Variants in DAB1 observed in about 807,000 individuals in gnomAD.
DAB1 encodes the protein DAB adaptor protein 1.
Under a neutral mutation model 64.6 loss-of-function variants are expected in DAB1, and 15 were observed. The observed-to-expected ratio is 0.23, with a 90% confidence interval of 0.16 to 0.36. The LOEUF (loss-of-function observed/expected upper bound fraction) is 0.36, where lower values mean the gene tolerates loss of function less well. Among genes scored for constraint, DAB1 ranks in the 10% least tolerant of loss-of-function variants. The probability of loss-of-function intolerance (pLI) is 1.00; values close to 1 mark genes in which losing one functional copy is unlikely to be tolerated. For synonymous variants in DAB1, 235 were observed against 251.9 expected, an observed-to-expected ratio of 0.93 and a Z score of 0.64; for missense variants, 596 against 706.7, an observed-to-expected ratio of 0.84 and a Z score of 1.78.
chr1:57,491,521 A>G (rs1171259154), intron 7 of DAB1, among the ~76,000 whole-genome samples: 2 of 152,268 alleles, frequency 1.3e-5, no homozygotes, highest in African/African-American at 4.8e-5. Flanking sequence ...AAAAAAATAT[A>G]ATAAACGTGC....
intron 5 of DAB1, among the ~76,000 whole-genome samples, chr1:58,003,915 C>T (rs1158404847): frequency 6.6e-6 from 1 of 152,200 alleles, no homozygotes; most frequent in African/African-American, 2.4e-5. Context: ...TCCTCAGCCA[C>T]CCCCAGCCGA....
At chr1:57,731,251 T>C (rs1372660603) in intron 6 of DAB1, among the ~76,000 whole-genome samples, 1 of 152,126 alleles carries the variant, frequency 6.6e-6, no homozygotes, top group Non-Finnish European at 1.5e-5. Flanking sequence ...TCCACTTACA[T>C]GAGGAAGTAG....
rs184422741 is a variant in DAB1 at position 58,113,229 on chromosome 1, G to A, written n.387+37282C>T. Among the ~76,000 whole-genome samples the A allele has an allele frequency of 3.6e-3, 553 of 152,240 alleles. 4 individuals carry two copies. The highest frequency in any genetic ancestry group is 0.013 in the African/African-American group (528 of 41,552). Reference sequence around the variant, plus strand: ...TGGAGAATGAGGAGGATTTTGCAAGGAGATGAGATGATGGGCAGGATTCTG... The same window carrying A: ...TGGAGAATGAGGAGGATTTTGCAAGAAGATGAGATGATGGGCAGGATTCTG... On this transcript the variant is annotated intron_variant and non_coding_transcript_variant, in intron 5 of 20. Coordinates refer to the DAB1 transcript ENST00000485760.
intron 1 of DAB1, among the ~76,000 whole-genome samples, chr1:57,336,978 T>C (rs1241278385): frequency 6.6e-6 from 1 of 152,136 alleles, no homozygotes; most frequent in African/African-American, 2.4e-5. Flanking sequence ...TCAGCTCCTC[T>C]AGGTAGTACT....
intron 4 of DAB1, among the ~76,000 whole-genome samples, chr1:58,171,042 G>C (rs1010951067): frequency 2.6e-5 from 4 of 152,192 alleles, no homozygotes; most frequent in Non-Finnish European, 5.9e-5. Context: ...CACCTCCTCG[G>C]TTGTAATTGG....
At chr1:57,347,302 A>C (rs1411260151) in intron 1 of DAB1, among the ~76,000 whole-genome samples, 1 of 152,202 alleles carries the variant, frequency 6.6e-6, no homozygotes. Context: ...AAGAATAATA[A>C]TACTTGCCCT....
intron 8 of DAB1, among the ~76,000 whole-genome samples, chr1:57,066,086 G>A (rs758693613): frequency 1.3e-5 from 2 of 152,154 alleles, no homozygotes; most frequent in Admixed American, 6.5e-5. Flanking sequence ...TCCAGGCTTT[G>A]TTGGGTAACA....
At chr1:57,619,155 A>G (rs1645825240) in intron 7 of DAB1, among the ~76,000 whole-genome samples, 1 of 152,192 alleles carries the variant, frequency 6.6e-6, no homozygotes, top group Admixed American at 6.5e-5. Flanking sequence ...AAGTGTTAAT[A>G]TCCTTTATGA....
intron 3 of DAB1, among the ~76,000 whole-genome samples, chr1:58,430,146 C>A (rs1049992646): frequency 6.6e-6 from 1 of 152,176 alleles, no homozygotes; most frequent in Non-Finnish European, 1.5e-5. Context: ...GGGCACAAAG[C>A]CAGTGCAAAT....
At chr1:57,985,447 T>C (rs1280785068) in intron 5 of DAB1, among the ~76,000 whole-genome samples, 1 of 152,092 alleles carries the variant, frequency 6.6e-6, no homozygotes, top group East Asian at 1.9e-4. Context: ...GTTATAGTAT[T>C]AGGAGGAGGT....
chr1:57,344,982 C>T (rs540881645), intron 1 of DAB1, among the ~76,000 whole-genome samples: 2 of 152,268 alleles, frequency 1.3e-5, no homozygotes, highest in South Asian at 4.1e-4. Flanking sequence ...TGTGCTACCC[C>T]GATAGGATAT....
chr1:57,122,843 A>C (rs1656784292), intron 4 of DAB1, among the ~76,000 whole-genome samples: 1 of 152,164 alleles, frequency 6.6e-6, no homozygotes, highest in Non-Finnish European at 1.5e-5. Context: ...TTATGAAAAA[A>C]ATAATGCACA....
intron 5 of DAB1, among the ~76,000 whole-genome samples, chr1:58,063,476 C>T (rs1648641604): frequency 6.6e-6 from 1 of 152,136 alleles, no homozygotes; most frequent in African/African-American, 2.4e-5. Flanking sequence ...CCCGGGCCCC[C>T]ACACTTGGCA....
At chr1:58,122,429 CAT>C (rs1037667922) in intron 5 of DAB1, among the ~76,000 whole-genome samples, 3 of 152,058 alleles carry the variant, frequency 2.0e-5, no homozygotes, top group African/African-American at 4.8e-5. Flanking sequence ...AACTTTAAAA[CAT>C]AGAGGAACTC....
intron 4 of DAB1, among the ~76,000 whole-genome samples, chr1:58,244,626 A>G (rs1030831968): frequency 1.3e-5 from 2 of 152,188 alleles, no homozygotes; most frequent in African/African-American, 4.8e-5. Context: ...GAAAGACTTG[A>G]GTTTATACCC....
chr1:57,256,590 A>G (rs1311280874), intron 2 of DAB1, among the ~76,000 whole-genome samples: 1 of 110,090 alleles, frequency 9.1e-6, no homozygotes, highest in Non-Finnish European at 2.0e-5. Flanking sequence ...CTGCTCTTAC[A>G]CATGTGACAC....
chr1:57,817,247 T>C (rs12092417), intron 6 of DAB1, among the ~76,000 whole-genome samples: 2,830 of 152,304 alleles, frequency 0.019, 100 homozygotes, highest in African/African-American at 0.066. Flanking sequence ...GGCATTAAGA[T>C]GGGTCATTCA....
At chr1:57,001,966 G>A (rs1645885266) in intron 14 of DAB1, among the ~76,000 whole-genome samples, 1 of 152,156 alleles carries the variant, frequency 6.6e-6, no homozygotes, top group African/African-American at 2.4e-5. Flanking sequence ...TTGCATGTCA[G>A]TATCCCGAAT....
chr1:58,436,841 A>G (rs184077088), intron 3 of DAB1, among the ~76,000 whole-genome samples: 2 of 152,286 alleles, frequency 1.3e-5, no homozygotes, highest in Admixed American at 6.5e-5. Context: ...GGTGAATGGT[A>G]TTGCTACCCC....
Sources: gnomAD v4.1 joint callset for allele counts (sites outside exome capture counted in the v4.1 genomes callset) on GRCh38, gnomAD v4.1.1 for gene constraint, MANE v1.5 for transcripts, NCBI Gene and HGNC (gene_info 2026-07-23, HGNC 2026-07-21) for gene names.